Variants in SHC4 observed in about 807,000 individuals in gnomAD.
SHC4 encodes SHC adaptor protein 4, also known as SHC-transforming protein 4.
A neutral mutation model predicts 69.4 loss-of-function variants in SHC4; 41 were observed. That is an observed-to-expected ratio of 0.59 (90% CI 0.46 to 0.77). The LOEUF is 0.77. Among genes scored for constraint, SHC4 ranks in the 30% least tolerant of loss-of-function variants. SHC4 has a pLI of 0.00. For missense variants in SHC4, 777 were observed against 783.8 expected (o/e 0.99, Z 0.10); for synonymous variants, 318 against 299.3 (o/e 1.06, Z -0.64).
chr15:48,860,723 G>C (rs183932367), intron 6 of SHC4, among the ~76,000 whole-genome samples: 1 of 152,146 alleles, frequency 6.6e-6, no homozygotes, highest in Non-Finnish European at 1.5e-5. Context: ...GGCGATGAGA[G>C]AATAGGATGT....
At position 48,876,619 on chromosome 15, in the gene SHC4, T is replaced by A. The variant is rs765646317; in HGVS notation, c.841-4477A>T. 4.3e-6 allele frequency: 3 copies of A among 696,174 alleles called. No homozygotes were observed. The South Asian group carries it at 4.5e-5, about 10-fold the overall frequency. The allele number at this position is 696,174 out of a possible 1,614,324, so 43.1% of individuals were successfully genotyped here. On this transcript the variant is annotated intron_variant, in intron 4 of 11. Coordinates refer to ENST00000332408, the MANE Select transcript of SHC4 (RefSeq NM_203349.4). ...GGAGAGCCAGTCCGAGTTCTGAAAC[T>A]GAAGAACTTGGGAATCCAATGTTCG...
chr15:48,894,299 A>T (rs1900185998), intron 2 of SHC4, among the ~76,000 whole-genome samples: 1 of 152,180 alleles, frequency 6.6e-6, no homozygotes, highest in Non-Finnish European at 1.5e-5. Context: ...TTTGTTTCTG[A>T]TTCTACCGAT....
intron 8 of SHC4, among the ~76,000 whole-genome samples, chr15:48,854,073 C>A (rs56287415): frequency 0.13 from 19,095 of 152,112 alleles, 1,516 homozygotes; most frequent in Non-Finnish European, 0.17. Flanking sequence ...ACAATCACTA[C>A]GCATCCAAAA....
At chr15:48,958,887 T>C (rs761042394) in intron 1 of SHC4, among the ~76,000 whole-genome samples, 5 of 152,228 alleles carry the variant, frequency 3.3e-5, no homozygotes, top group Non-Finnish European at 7.3e-5. Context: ...GATCTCACTG[T>C]CCTATTTCTG....
At chr15:48,958,097 C>T (rs74400684) in intron 1 of SHC4, among the ~76,000 whole-genome samples, 7 of 152,202 alleles carry the variant, frequency 4.6e-5, no homozygotes, top group African/African-American at 1.2e-4. Context: ...TAGTAAGCCA[C>T]GCAGTTTGTG....
At chr15:48,915,686 C>A (rs2141019314) in intron 2 of SHC4, among the ~76,000 whole-genome samples, 1 of 152,328 alleles carries the variant, frequency 6.6e-6, no homozygotes, top group East Asian at 1.9e-4. Flanking sequence ...GGACAGCAGA[C>A]CATTGCAGGG....
At chr15:48,869,737 A>C (rs62010860) in intron 5 of SHC4, among the ~76,000 whole-genome samples, 37,117 of 152,048 alleles carry the variant, frequency 0.24, 4,740 homozygotes, top group Admixed American at 0.34. Flanking sequence ...TTCTAATGCC[A>C]ATGCTTAGGG....
At chr15:48,904,907 G>A (rs1000450605) in intron 2 of SHC4, among the ~76,000 whole-genome samples, 11 of 141,934 alleles carry the variant, frequency 7.8e-5, no homozygotes, top group African/African-American at 2.7e-4. Context: ...CTCTAAACAC[G>A]ACACACACGC....
intron 1 of SHC4, among the ~76,000 whole-genome samples, chr15:48,952,872 T>A (rs1901387908): frequency 6.6e-6 from 1 of 152,162 alleles, no homozygotes; most frequent in South Asian, 2.1e-4. Flanking sequence ...TCTTCAAAGA[T>A]CTAAAGACAG....
intron 1 of SHC4, among the ~76,000 whole-genome samples, chr15:48,957,923 A>C (rs1901481272): frequency 6.6e-6 from 1 of 152,252 alleles, no homozygotes; most frequent in East Asian, 1.9e-4. Flanking sequence ...ATGCATCTAC[A>C]AGCCAAGGAG....
At chr15:48,930,787 GC>G (rs567411129) in intron 1 of SHC4, among the ~76,000 whole-genome samples, 136 of 152,292 alleles carry the variant, frequency 8.9e-4, no homozygotes, top group Admixed American at 1.8e-3. Context: ...GGATATTTCT[GC>G]CACCTTTAAA....
chr15:48,872,448 T>A (rs1171675937), intron 4 of SHC4, among the ~76,000 whole-genome samples: 1 of 152,176 alleles, frequency 6.6e-6, no homozygotes, highest in African/African-American at 2.4e-5. Context: ...CTGAAATGAA[T>A]AATAGGAGAG....
chr15:48,836,628 T>C (rs1898903412), intron 10 of SHC4, among the ~76,000 whole-genome samples: 1 of 152,116 alleles, frequency 6.6e-6, no homozygotes, highest in Admixed American at 6.6e-5. Context: ...AAAGAAGTGT[T>C]TATGTGTCCT....
rs181791827 is a variant in SHC4 at position 48,892,900 on chromosome 15, G to A, written c.657-2089C>T. Among the ~76,000 whole-genome samples the A allele has an allele frequency of 3.0e-3, 446 of 149,862 alleles. 3 individuals are homozygous for A. Among genetic ancestry groups the A allele is most frequent in the African/African-American group, 0.011 (432 of 40,930 alleles). ...AAAAAAAGTTGACTATAAATGATAT[G>A]AACTTAAAGTAAAAACAAAGGTGGA... On this transcript the variant is annotated intron_variant, in intron 2 of 11. Transcript: ENST00000332408.
chr15:48,954,976 C>G (rs62010901), intron 1 of SHC4, among the ~76,000 whole-genome samples: 9 of 152,152 alleles, frequency 5.9e-5, no homozygotes, highest in Non-Finnish European at 1.3e-4. Context: ...ACTCTTCACC[C>G]GCAATCTCTT....
At chr15:48,912,078 T>C (rs1900517753) in intron 2 of SHC4, among the ~76,000 whole-genome samples, 1 of 152,226 alleles carries the variant, frequency 6.6e-6, no homozygotes, top group South Asian at 2.1e-4. Context: ...AAGATGTTTT[T>C]GTGATTAATT....
intron 1 of SHC4, among the ~76,000 whole-genome samples, chr15:48,956,461 C>A (rs1901455512): frequency 6.6e-6 from 1 of 152,170 alleles, no homozygotes; most frequent in Non-Finnish European, 1.5e-5. Context: ...GGCTTAATTT[C>A]TGTCACTTCT....
At chr15:48,875,871 C>T (rs1044487919) in intron 4 of SHC4, among the ~76,000 whole-genome samples, 2 of 152,200 alleles carry the variant, frequency 1.3e-5, no homozygotes, top group African/African-American at 4.8e-5. Context: ...GTCACCTGAA[C>T]TTAACAACAT....
chr15:48,917,573 T>C (rs918704738), intron 2 of SHC4, among the ~76,000 whole-genome samples: 13 of 152,098 alleles, frequency 8.5e-5, no homozygotes, highest in Non-Finnish European at 1.3e-4. Context: ...GAATATTCTA[T>C]TATTAAAAAT....
Sources: allele counts gnomAD v4.1 joint callset (sites outside exome capture counted in the v4.1 genomes callset), GRCh38; gene constraint gnomAD v4.1.1; transcripts MANE v1.5; gene names NCBI Gene and HGNC (gene_info 2026-07-23, HGNC 2026-07-21).